Variants in MAD1L1 observed in about 807,000 individuals in gnomAD.
MAD1L1 encodes mitotic arrest deficient 1 like 1.
MAD1L1 carries 95 observed loss-of-function variants against 96.9 expected under a neutral mutation model. The ratio of observed to expected loss-of-function variants is 0.98; its 90% CI spans 0.83 to 1.16. The LOEUF (loss-of-function observed/expected upper bound fraction) is 1.16. Ranked by LOEUF, MAD1L1 falls within the 50% of genes most tolerant of loss-of-function variation. The pLI is 0.00. For missense variants in MAD1L1, 1,007 were observed against 954.4 expected (o/e 1.06, Z -0.73); for synonymous variants, 473 against 396.6 (o/e 1.19, Z -2.29).
At chr7:2,014,815 G>A (rs892374465) in intron 12 of MAD1L1, among the ~76,000 whole-genome samples, 173 bp from the exon 13 acceptor site, 1 of 152,198 alleles carries the variant, frequency 6.6e-6, no homozygotes, top group Non-Finnish European at 1.5e-5. Flanking sequence ...GAGGGCCCCA[G>A]AGTTCAGCAT....
intron 6 of MAD1L1, 147 bp downstream of exon 6, chr7:2,219,185 G>A: frequency 1.3e-6 from 1 of 758,434 alleles, no homozygotes. Flanking sequence ...GGCTCCAGAG[G>A]CCTCAGCATC....
rs762726122 is a variant in MAD1L1 at position 2,074,917 on chromosome 7, T to C, written c.1074-5579A>G. The stretch of plus-strand genomic sequence containing the variant: ...GTGTCAGAGCCGGGGACGCTTCCAA[T>C]GGGCAGCTGGCGTGCTCATTCGTGG... On this transcript the variant is annotated intron_variant, in intron 11 of 18. Coordinates refer to ENST00000265854, the MANE Select transcript of MAD1L1 (RefSeq NM_001013836.2). Among the ~76,000 whole-genome samples the C allele has an allele frequency of 1.2e-4, 19 of 152,054 alleles. 1 individual carries two copies. The highest frequency in any genetic ancestry group is 1.9e-4 in the East Asian group (1 of 5,138).
chr7:1,816,267 C>T (rs1261882829), intron 18 of MAD1L1, 39 bp from the exon 19 acceptor site: 4 of 1,585,654 alleles, frequency 2.5e-6, no homozygotes, highest in South Asian at 2.3e-5. Flanking sequence ...CAGCGGTCAG[C>T]CCGACAGGCC....
chr7:2,051,867 T>C (rs1337093924), intron 12 of MAD1L1, among the ~76,000 whole-genome samples: 1 of 150,610 alleles, frequency 6.6e-6, no homozygotes, highest in Non-Finnish European at 1.5e-5. Context: ...ATGGACAAGC[T>C]GAGCAGCAGG....
rs1373346059 is a variant in MAD1L1 at position 2,088,296 on chromosome 7, C to T, written c.1074-18958G>A. ...GCTGGAACACAATCCAGGCCCCCAT[C>T]ACAGGCTGCGCCATCTGGTTACCAG... On this transcript the variant is annotated intron_variant, in intron 11 of 18. Transcript: ENST00000265854. This position sits in a 1 kb window ranked among gnomAD's most constrained non-coding sequence, Gnocchi z 4.4. 6.6e-6 allele frequency among the ~76,000 whole-genome samples: 1 copy of T among 152,242 alleles called. No homozygotes were observed. Among genetic ancestry groups the T allele is most frequent in the Non-Finnish European group, 1.5e-5 (1 of 68,034 alleles).
Position 1,844,227 on chromosome 7 carries a change from C to T in MAD1L1, c.1999-27999G>A, listed in dbSNP as rs78996026. The T allele has an allele frequency of 5.2e-3, 810 of 154,584 alleles. 22 individuals are homozygous for T. The highest frequency in any genetic ancestry group is 0.04 in the Admixed American group (606 of 15,316). The allele number at this position is 154,584 out of a possible 1,614,324, so 9.6% of individuals were successfully genotyped here. Reference sequence around the variant, plus strand: ...ACGAGGGTCAACACTTTCCCACGACCCTCTGCCATCCCCGGTGTGCCCTTG... The same window carrying T: ...ACGAGGGTCAACACTTTCCCACGACTCTCTGCCATCCCCGGTGTGCCCTTG... On this transcript the variant is annotated intron_variant, in intron 18 of 18. Coordinates refer to ENST00000265854, the MANE Select transcript of MAD1L1 (RefSeq NM_001013836.2).
intron 4 of MAD1L1, among the ~76,000 whole-genome samples, chr7:2,224,076 C>T (rs563616842): frequency 6.6e-6 from 1 of 152,300 alleles, no homozygotes; most frequent in South Asian, 2.1e-4. Flanking sequence ...CTCAATCCAA[C>T]ATTTGTGAGC....
At chr7:1,879,907 T>C (rs949915371) in intron 18 of MAD1L1, among the ~76,000 whole-genome samples, 2 of 152,138 alleles carry the variant, frequency 1.3e-5, no homozygotes, top group African/African-American at 4.8e-5. Flanking sequence ...ATTTTTCGTA[T>C]TTTTAGCAGA....
chr7:2,045,935 C>T (rs902746654), intron 12 of MAD1L1, among the ~76,000 whole-genome samples: 3 of 152,328 alleles, frequency 2.0e-5, no homozygotes, highest in South Asian at 2.1e-4. Flanking sequence ...ACATGGCACA[C>T]GTCCCCTGCA....
chr7:2,209,686 GGGGCCTC>G (rs1426462596), intron 10 of MAD1L1, among the ~76,000 whole-genome samples: 5 of 152,270 alleles, frequency 3.3e-5, no homozygotes, highest in Admixed American at 6.5e-5. Context: ...CCACACCCAC[GGGGCCTC>G]GGGCCTCGGC....
At chr7:2,158,257 C>A (rs1789936437) in intron 10 of MAD1L1, among the ~76,000 whole-genome samples, 1 of 152,214 alleles carries the variant, frequency 6.6e-6, no homozygotes, top group African/African-American at 2.4e-5. Context: ...CAGCTCCAGC[C>A]CAAGCCACAG....
chr7:1,941,772 C>T (rs567581470), intron 16 of MAD1L1, among the ~76,000 whole-genome samples: 24 of 152,340 alleles, frequency 1.6e-4, no homozygotes, highest in African/African-American at 5.1e-4. Context: ...CTGGAGCGAC[C>T]TGCGATGGCA....
At chr7:2,012,188 TGC>T (rs1782334216) in intron 13 of MAD1L1, among the ~76,000 whole-genome samples, 1 of 152,178 alleles carries the variant, frequency 6.6e-6, no homozygotes, top group South Asian at 2.1e-4. Context: ...GCCCAAACAG[TGC>T]CAGCATCTGG....
intron 11 of MAD1L1, chr7:2,079,602 T>A (rs546560782): frequency 3.2e-5 from 15 of 470,720 alleles, no homozygotes; most frequent in South Asian, 2.2e-4. Flanking sequence ...AATACTCTCA[T>A]CTGACCTTGA....
At chr7:2,083,233 A>T (rs1289863348) in intron 11 of MAD1L1, among the ~76,000 whole-genome samples, 2 of 152,222 alleles carry the variant, frequency 1.3e-5, no homozygotes, top group African/African-American at 4.8e-5. Context: ...AGCTGGAGAG[A>T]GGAAGGCACC....
chr7:1,978,831 C>A (rs1260000239), intron 15 of MAD1L1, among the ~76,000 whole-genome samples: 1 of 152,168 alleles, frequency 6.6e-6, no homozygotes, highest in Non-Finnish European at 1.5e-5. Flanking sequence ...CCATCAGCCT[C>A]CATGCTCGGC....
At chr7:2,163,422 G>A (rs1328396759) in intron 10 of MAD1L1, among the ~76,000 whole-genome samples, 4 of 152,188 alleles carry the variant, frequency 2.6e-5, no homozygotes, top group Non-Finnish European at 5.9e-5. Context: ...CGCCCAGGCT[G>A]GAGTGCAGTG....
chr7:1,873,703 G>A (rs996686628), intron 18 of MAD1L1, among the ~76,000 whole-genome samples: 2 of 152,072 alleles, frequency 1.3e-5, no homozygotes, highest in African/African-American at 2.4e-5. Flanking sequence ...TGGGCACCCC[G>A]GGTGCAGGAT....
intron 18 of MAD1L1, among the ~76,000 whole-genome samples, chr7:1,887,830 T>C (rs373820803): frequency 2.0e-5 from 1 of 51,114 alleles, no homozygotes. Flanking sequence ...CATGTGTGCA[T>C]GTATGTGGCG....
Sources: allele counts gnomAD v4.1 joint callset (sites outside exome capture counted in the v4.1 genomes callset), GRCh38; gene constraint gnomAD v4.1.1; non-coding constraint Gnocchi (gnomAD v3.1); transcripts MANE v1.5; gene names NCBI Gene and HGNC (gene_info 2026-07-23, HGNC 2026-07-21).